Variants in TRPM7 observed in about 807,000 individuals in gnomAD.
TRPM7 encodes the protein transient receptor potential cation channel subfamily M member 7.
Under a neutral mutation model 229.7 loss-of-function variants are expected in TRPM7, and 134 were observed. The ratio of observed to expected loss-of-function variants is 0.58; its 90% CI spans 0.51 to 0.67. TRPM7 has a LOEUF of 0.67. TRPM7 is among the 30% of genes least tolerant of loss of function. The pLI, the probability that TRPM7 is intolerant of heterozygous loss-of-function variation, is 0.00. For synonymous variants in TRPM7, 699 were observed against 715.2 expected, an observed-to-expected ratio of 0.98 and a Z score of 0.36; for missense variants, 1,901 against 2,210.0, an observed-to-expected ratio of 0.86 and a Z score of 2.80.
chr15:50,679,539 T>TATATATGTGTATATATATAA (rs1491586861), intron 1 of TRPM7, among the ~76,000 whole-genome samples: 1 of 22,306 alleles, frequency 4.5e-5, no homozygotes, highest in African/African-American at 2.1e-4. Flanking sequence ...TATATATATA[T>TATATATGTGTATATATATAA]TTTTTTTTTT....
At chr15:50,576,587 C>G (rs998517712) in intron 31 of TRPM7, among the ~76,000 whole-genome samples, 1 of 152,140 alleles carries the variant, frequency 6.6e-6, no homozygotes, top group Non-Finnish European at 1.5e-5. Context: ...GAGAAGACGT[C>G]AAAGCTATCT....
chr15:50,664,847 C>G (rs2061839667), intron 1 of TRPM7, among the ~76,000 whole-genome samples: 1 of 152,064 alleles, frequency 6.6e-6, no homozygotes, highest in African/African-American at 2.4e-5. Flanking sequence ...TATAGTCAGT[C>G]CCAGCTACTC....
intron 1 of TRPM7, among the ~76,000 whole-genome samples, chr15:50,682,898 ACT>A (rs2062273354): frequency 6.9e-6 from 1 of 144,596 alleles, no homozygotes. Flanking sequence ...CCGGTACCAA[ACT>A]TTTTTTTTTT....
In TRPM7 at chr15:50,612,820, CTG is replaced by C; in HGVS notation, c.1778_1779del (p.Thr593SerfsTer13). Reference protein sequence around the residue: ...TAQPYRPKIDTVMEEGKKKRT... With the variant: ...TAQPYRPKIDXVMEEGKKKRT... Reference sequence around the variant, plus strand: ...CTTTTCTTCTTTCCTTCTTCCATAACTGTATCAATCTTCCAGGGAAAATAAAG... The same window carrying C: ...CTTTTCTTCTTTCCTTCTTCCATAACTATCAATCTTCCAGGGAAAATAAAG... On this transcript the variant is annotated frameshift_variant, in exon 16 of 39. Coordinates refer to ENST00000646667, the MANE Select transcript of TRPM7 (RefSeq NM_017672.6). LOFTEE classifies it high-confidence loss of function. 3 of 1,609,338 alleles carry C rather than the reference CTG, an allele frequency of 1.9e-6. No homozygotes were observed. The highest frequency in any genetic ancestry group is 2.5e-6 in the Non-Finnish European group (3 of 1,178,660).
At chr15:50,686,198 G>C (rs1018511336) in intron 1 of TRPM7, among the ~76,000 whole-genome samples, 1 of 152,246 alleles carries the variant, frequency 6.6e-6, no homozygotes, top group Admixed American at 6.5e-5. Flanking sequence ...GCTGAGCCCT[G>C]CGTCGGGCGC....
At chr15:50,661,122 G>A (rs2061711486) in intron 2 of TRPM7, among the ~76,000 whole-genome samples, 1 of 151,844 alleles carries the variant, frequency 6.6e-6, no homozygotes, top group South Asian at 2.1e-4. Context: ...GATGACAGGT[G>A]CCCACTACCA....
At chr15:50,627,836 C>T (rs1165555986) in intron 11 of TRPM7, among the ~76,000 whole-genome samples, 2 of 152,084 alleles carry the variant, frequency 1.3e-5, no homozygotes, top group Non-Finnish European at 2.9e-5. Flanking sequence ...ATGAGGAAGA[C>T]TAAAAAAGGA....
chr15:50,619,772 C>T lies in TRPM7; in HGVS notation c.1467G>A (p.Leu489=), dbSNP rs2140535440. Residue 489 remains leucine (L), a synonymous_variant, in exon 13 of 39, where the codon CTG becomes CTA. Transcript: ENST00000646667. ...NTKQGPTNPM[L]FHLVRDVKQG... is the part of the protein sequence containing the mutation. Reference sequence around the variant, plus strand: ...GTTTGACGTCTCGAACAAGATGAAACAGCATTGGATTAGTTGGACCTTGTT... The same window carrying T: ...GTTTGACGTCTCGAACAAGATGAAATAGCATTGGATTAGTTGGACCTTGTT... 1.9e-6 allele frequency: 3 copies of T among 1,597,912 alleles called. No individual in the cohort carries two copies. Among genetic ancestry groups the T allele is most frequent in the Non-Finnish European group, 1.7e-6 (2 of 1,175,188 alleles).
chr15:50,677,779 C>T (rs544547905), intron 1 of TRPM7, among the ~76,000 whole-genome samples: 2 of 149,226 alleles, frequency 1.3e-5, no homozygotes, highest in Non-Finnish European at 3.0e-5. Flanking sequence ...AACCCAGAGC[C>T]TCTACTAAGT....
intron 22 of TRPM7, among the ~76,000 whole-genome samples, chr15:50,598,844 T>C (rs1451019637): frequency 1.3e-5 from 2 of 152,184 alleles, no homozygotes; most frequent in African/African-American, 4.8e-5. Context: ...TAAAGACCAC[T>C]AGACCTAGCT....
In TRPM7 at chr15:50,679,101, TGACCTGGTGATCCACCCGCC is replaced by T. The variant is rs1370864475; in HGVS notation, c.3+7410_3+7429del. Among the ~76,000 whole-genome samples the T allele has an allele frequency of 1.8e-4, 27 of 150,410 alleles. 4 individuals carry two copies. Among genetic ancestry groups the T allele is most frequent in the African/African-American group, 5.9e-4 (24 of 40,394 alleles). On this transcript the variant is annotated intron_variant, in intron 1 of 38. Transcript: ENST00000646667. Reference sequence around the variant, plus strand: ...GTTGGCCAGGATGGTCTCGATCTCTTGACCTGGTGATCCACCCGCCTCAGCCTTCCAAAGTGCTGGGATTA... The same window carrying T: ...GTTGGCCAGGATGGTCTCGATCTCTTTCAGCCTTCCAAAGTGCTGGGATTA...
chr15:50,658,925 G>A (rs1020286926), intron 2 of TRPM7, among the ~76,000 whole-genome samples: 9 of 152,190 alleles, frequency 5.9e-5, no homozygotes, highest in Non-Finnish European at 1.0e-4. Context: ...GTGGCCAGGC[G>A]CAGTGGCTCA....
intron 1 of TRPM7, among the ~76,000 whole-genome samples, chr15:50,669,634 A>G (rs1351671548): frequency 6.6e-6 from 1 of 152,200 alleles, no homozygotes; most frequent in Non-Finnish European, 1.5e-5. Flanking sequence ...AAAATGGGAC[A>G]CTGGAGTGAG....
At chr15:50,658,030 A>G (rs1654753117) in intron 2 of TRPM7, among the ~76,000 whole-genome samples, 1 of 145,510 alleles carries the variant, frequency 6.9e-6, no homozygotes, top group Non-Finnish European at 1.5e-5. Flanking sequence ...TTTGAGACAG[A>G]GTCTCGCTCT....
chr15:50,569,290 A>G (rs1027780618), intron 38 of TRPM7, among the ~76,000 whole-genome samples: 2 of 152,162 alleles, frequency 1.3e-5, no homozygotes, highest in African/African-American at 4.8e-5. Context: ...CAATTAAATA[A>G]TAACTTGTAA....
chr15:50,638,527 C>T (rs868691026), intron 6 of TRPM7, among the ~76,000 whole-genome samples: 3 of 150,066 alleles, frequency 2.0e-5, no homozygotes, highest in Admixed American at 6.6e-5. Flanking sequence ...CCAGCCTGGG[C>T]GACAAGAGTG....
At chr15:50,579,454 C>T in intron 30 of TRPM7, among the ~76,000 whole-genome samples, 1 of 152,298 alleles carries the variant, frequency 6.6e-6, no homozygotes, top group Middle Eastern at 3.4e-3. Context: ...GTATTTTGAA[C>T]CTAACATCAT....
chr15:50,663,191 T>C, intron 1 of TRPM7, 145 bp from the exon 2 acceptor site: 1 of 619,368 alleles, frequency 1.6e-6, no homozygotes, highest in Non-Finnish European at 2.7e-6. Flanking sequence ...AGCAATGGTG[T>C]GATCTTGGCT....
At chr15:50,606,772 T>C (rs1389168717) in intron 20 of TRPM7, among the ~76,000 whole-genome samples, 1 of 152,208 alleles carries the variant, frequency 6.6e-6, no homozygotes, top group Admixed American at 6.5e-5. Context: ...GTGCTGCCAT[T>C]ACAGGCGTGA....
Sources: allele counts gnomAD v4.1 joint callset (sites outside exome capture counted in the v4.1 genomes callset), GRCh38; gene constraint gnomAD v4.1.1; transcripts MANE v1.5; gene names NCBI Gene and HGNC (gene_info 2026-07-23, HGNC 2026-07-21).